The following PAN3 variants were observed in gnomAD, a reference collection of about 807,000 sequenced individuals.
PAN3 encodes the protein PAN2-PAN3 deadenylation complex subunit PAN3.
In PAN3, 19 loss-of-function variants were observed where a neutral mutation model predicts 96.2. The observed-to-expected ratio is 0.20, with a 90% CI of 0.14 to 0.29. The LOEUF is 0.29. Among genes scored for constraint, PAN3 ranks in the 10% least tolerant of loss-of-function variants. The probability of loss-of-function intolerance (pLI) is 1.00; values close to 1 mark genes in which losing one functional copy is unlikely to be tolerated. For missense variants in PAN3, 882 were observed against 1,108.1 expected (o/e 0.80, Z 2.90); for synonymous variants, 433 against 406.6 (o/e 1.06, Z -0.78).
intron 1 of PAN3, among the ~76,000 whole-genome samples, chr13:28,162,394 G>T (rs1304067124): frequency 6.6e-6 from 1 of 152,104 alleles, no homozygotes; most frequent in Non-Finnish European, 1.5e-5. Context: ...TGGAAAAGTG[G>T]AGGCAATCAG....
At chr13:28,234,222 G>T (rs769222830) in intron 6 of PAN3, among the ~76,000 whole-genome samples, 1 of 151,996 alleles carries the variant, frequency 6.6e-6, no homozygotes, top group Non-Finnish European at 1.5e-5. Flanking sequence ...TAAGAGGCAG[G>T]GTCTTGCTCT....
At chr13:28,209,793 TCTC>T (rs1879810290) in intron 5 of PAN3, among the ~76,000 whole-genome samples, 2 of 152,096 alleles carry the variant, frequency 1.3e-5, no homozygotes, top group South Asian at 2.1e-4. Flanking sequence ...CTTTTCCCCT[TCTC>T]CTTCCCTTTT....
At chr13:28,155,229 G>A (rs1871980162) in intron 1 of PAN3, among the ~76,000 whole-genome samples, 1 of 152,160 alleles carries the variant, frequency 6.6e-6, no homozygotes, top group South Asian at 2.1e-4. Flanking sequence ...GCACTGACTA[G>A]AGAATGTAAT....
At chr13:28,260,591 C>T in intron 8 of PAN3, 40 bp downstream of exon 8, 1 of 1,481,880 alleles carries the variant, frequency 6.7e-7, no homozygotes. Context: ...CTTAATGTCT[C>T]CTGTGCTTTA....
chr13:28,277,165 C>T (rs1887131794), intron 14 of PAN3, 72 bp from the exon 15 acceptor site: 2 of 1,396,506 alleles, frequency 1.4e-6, no homozygotes, highest in East Asian at 4.7e-5. Flanking sequence ...TCCATTTAGG[C>T]AGTAGTGTCA....
intron 6 of PAN3, among the ~76,000 whole-genome samples, chr13:28,250,119 G>A (rs1026510755): frequency 6.6e-6 from 1 of 151,438 alleles, no homozygotes; most frequent in African/African-American, 2.4e-5. Context: ...CTCTTTTCTG[G>A]TAGCTCTTAA....
intron 1 of PAN3, among the ~76,000 whole-genome samples, chr13:28,147,325 C>G (rs764024942): frequency 6.6e-6 from 1 of 152,072 alleles, no homozygotes; most frequent in African/African-American, 2.4e-5. Context: ...TACGATGATT[C>G]GACTTCCAGT....
intron 3 of PAN3, 83 bp from the exon 4 acceptor site, chr13:28,177,782 T>C: frequency 1.9e-6 from 2 of 1,052,930 alleles, no homozygotes; most frequent in Non-Finnish European, 1.5e-6. Context: ...TTGATTTTTA[T>C]AGGCATTGTC....
chr13:28,261,380 T>C, intron 8 of PAN3, 21 bp from the exon 9 acceptor site: 1 of 1,376,460 alleles, frequency 7.3e-7, no homozygotes, highest in Non-Finnish European at 9.5e-7. Context: ...TAAATAAAAA[T>C]ATACTTATTT....
chr13:28,151,781 G>C (rs949968082), intron 1 of PAN3, among the ~76,000 whole-genome samples: 4 of 152,178 alleles, frequency 2.6e-5, no homozygotes, highest in Non-Finnish European at 5.9e-5. Context: ...GATGAGGAAG[G>C]CTGCAGACAG....
intron 5 of PAN3, among the ~76,000 whole-genome samples, chr13:28,203,632 T>G (rs1879002179): frequency 6.6e-6 from 1 of 152,082 alleles, no homozygotes. Context: ...TTTAAAAAAA[T>G]TAATCATAGA....
chr13:28,167,747 G>C (rs1448316983), intron 1 of PAN3, among the ~76,000 whole-genome samples: 2 of 152,006 alleles, frequency 1.3e-5, no homozygotes, highest in Non-Finnish European at 2.9e-5. Flanking sequence ...GGGGGCCTGA[G>C]GTGAGAGGAT....
At chr13:28,271,594 T>A (rs1566249583) in intron 13 of PAN3, among the ~76,000 whole-genome samples, 1 of 152,220 alleles carries the variant, frequency 6.6e-6, no homozygotes, top group Non-Finnish European at 1.5e-5. Flanking sequence ...TTGAGGGATT[T>A]GAATGAGTCA....
Position 28,254,249 on chromosome 13 carries a change from A to G in PAN3, c.1001-2043A>G, listed in dbSNP as rs568322360. 3.3e-5 allele frequency among the ~76,000 whole-genome samples: 5 copies of G among 152,290 alleles called. No homozygotes were observed. In the South Asian group the frequency reaches 8.3e-4, roughly 25 times the overall value. On this transcript the variant is annotated intron_variant, in intron 6 of 18. Transcript: ENST00000380958. ...TCTTGATTATGTTGCTGAATTACCT[A>G]TATTTGTCCTTACAGTAATTATTTT...
chr13:28,152,370 G>T (rs1212552671), intron 1 of PAN3, among the ~76,000 whole-genome samples: 1 of 152,106 alleles, frequency 6.6e-6, no homozygotes, highest in African/African-American at 2.4e-5. Flanking sequence ...GATCGCCTTA[G>T]GTCAGGAGTT....
chr13:28,287,945 C>G (rs1869196179), intron 17 of PAN3, 39 bp from the exon 18 acceptor site: 6 of 1,579,412 alleles, frequency 3.8e-6, no homozygotes, highest in Non-Finnish European at 5.1e-6. Flanking sequence ...ACAGACCATA[C>G]AGCATGAGTT....
intron 1 of PAN3, among the ~76,000 whole-genome samples, chr13:28,157,381 A>G (rs1033079218): frequency 6.6e-6 from 1 of 152,212 alleles, no homozygotes; most frequent in Non-Finnish European, 1.5e-5. Flanking sequence ...GGCAAGAGAA[A>G]GAAATAAAAG....
At chr13:28,184,081 A>C (rs1280721110) in intron 4 of PAN3, among the ~76,000 whole-genome samples, 1 of 152,058 alleles carries the variant, frequency 6.6e-6, no homozygotes, top group East Asian at 1.9e-4. Context: ...CTCCTCCCCC[A>C]GTATTAATTT....
At chr13:28,217,291 TGGG>T (rs753440688) in intron 5 of PAN3, among the ~76,000 whole-genome samples, 4 of 149,896 alleles carry the variant, frequency 2.7e-5, no homozygotes, top group Non-Finnish European at 4.5e-5. Context: ...ACATGAAAAT[TGGG>T]GGGCAGGCTG....
Sources: gnomAD v4.1 joint callset for allele counts (sites outside exome capture counted in the v4.1 genomes callset) on GRCh38, gnomAD v4.1.1 for gene constraint, MANE v1.5 for transcripts, NCBI Gene and HGNC (gene_info 2026-07-23, HGNC 2026-07-21) for gene names.